Variants in AFG2A observed in about 807,000 individuals in gnomAD.
AFG2A encodes ATPase family gene 2 protein homolog A.
chr4:123,277,158 G>T, the AFG2A span, among the ~76,000 whole-genome samples: 1 of 152,022 alleles, frequency 6.6e-6, no homozygotes, highest in Non-Finnish European at 1.5e-5. Context: ...ATTTCTTTCA[G>T]CAGTGTCATA....
the AFG2A span, among the ~76,000 whole-genome samples, chr4:123,269,941 G>A: frequency 3.3e-5 from 5 of 151,954 alleles, no homozygotes; most frequent in African/African-American, 4.8e-5. Context: ...CTCAGCCTCC[G>A]GAGTGGCTGG....
chr4:123,218,040 G>GT, the AFG2A span, among the ~76,000 whole-genome samples: 1 of 152,178 alleles, frequency 6.6e-6, no homozygotes, highest in African/African-American at 2.4e-5. Flanking sequence ...TTTGTTCAAA[G>GT]TATTTCCTTT....
the AFG2A span, among the ~76,000 whole-genome samples, chr4:123,143,247 G>A: frequency 3.3e-5 from 5 of 150,584 alleles, no homozygotes; most frequent in Admixed American, 1.3e-4. Context: ...TTAAGTTGTT[G>A]TACCTTCAAT....
chr4:123,087,967 T>G, the AFG2A span, among the ~76,000 whole-genome samples: 23 of 152,212 alleles, frequency 1.5e-4, no homozygotes, highest in Non-Finnish European at 2.6e-4. Flanking sequence ...TTCTCTACAC[T>G]GCAGGCAGCC....
chr4:123,098,856 T>C, the AFG2A span, among the ~76,000 whole-genome samples: 2 of 152,068 alleles, frequency 1.3e-5, no homozygotes, highest in Non-Finnish European at 2.9e-5. Context: ...GACATACTGA[T>C]TTCATTTCCT....
the AFG2A span, among the ~76,000 whole-genome samples, chr4:123,237,391 A>G: frequency 4.6e-5 from 7 of 151,710 alleles, no homozygotes; most frequent in Non-Finnish European, 3.0e-5. Context: ...ATTAAAATTC[A>G]ATTACGGGCT....
At chr4:122,929,448 C>T in the AFG2A span, among the ~76,000 whole-genome samples, 1 of 152,104 alleles carries the variant, frequency 6.6e-6, no homozygotes, top group Admixed American at 6.5e-5. Context: ...AATCTCAGCA[C>T]TTTGGGAGGC....
the AFG2A span, among the ~76,000 whole-genome samples, chr4:123,273,634 T>C: frequency 6.6e-6 from 1 of 152,172 alleles, no homozygotes; most frequent in Non-Finnish European, 1.5e-5. Flanking sequence ...TCCAAAACTT[T>C]TTGAGCACGG....
chr4:122,948,457 T>G, the AFG2A span, among the ~76,000 whole-genome samples: 1 of 148,588 alleles, frequency 6.7e-6, no homozygotes, highest in East Asian at 2.0e-4. Context: ...GATCCATTGG[T>G]GGCGGTATTG....
the AFG2A span, among the ~76,000 whole-genome samples, chr4:122,938,816 C>T: frequency 1.2e-3 from 183 of 152,022 alleles, no homozygotes; most frequent in Non-Finnish European, 2.1e-3. Flanking sequence ...AGGCTGGTCT[C>T]GAACTCCTTA....
chr4:123,071,790 A>C, the AFG2A span, among the ~76,000 whole-genome samples: 10 of 152,182 alleles, frequency 6.6e-5, no homozygotes, highest in Admixed American at 2.6e-4. Flanking sequence ...TCATAATCTA[A>C]AATCTAGTTT....
the AFG2A span, among the ~76,000 whole-genome samples, chr4:122,985,378 C>T: frequency 6.6e-6 from 1 of 152,130 alleles, no homozygotes; most frequent in African/African-American, 2.4e-5. Flanking sequence ...ATCCACCGGC[C>T]TCGGCCTCTG....
the AFG2A span, among the ~76,000 whole-genome samples, chr4:123,229,012 T>C: frequency 6.6e-6 from 1 of 151,950 alleles, no homozygotes; most frequent in Admixed American, 6.6e-5. Flanking sequence ...CTTATAAATG[T>C]CTAAGGAAAA....
the AFG2A span, among the ~76,000 whole-genome samples, chr4:123,163,441 C>CA: frequency 4.6e-5 from 7 of 151,870 alleles, no homozygotes; most frequent in Admixed American, 2.0e-4. Flanking sequence ...GACTCCATCT[C>CA]AAAAAAACAA....
At chr4:123,296,506 G>A in the AFG2A span, among the ~76,000 whole-genome samples, 1 of 152,158 alleles carries the variant, frequency 6.6e-6, no homozygotes, top group East Asian at 1.9e-4. Context: ...TTAAGGAAAT[G>A]TAGCTAATTT....
chr4:123,248,979 C>T, the AFG2A span, among the ~76,000 whole-genome samples: 1 of 152,146 alleles, frequency 6.6e-6, no homozygotes, highest in Admixed American at 6.5e-5. Flanking sequence ...AAACACTGAG[C>T]TAAGCACATT....
the AFG2A span, among the ~76,000 whole-genome samples, chr4:123,179,989 G>A: frequency 6.6e-6 from 1 of 152,106 alleles, no homozygotes; most frequent in Non-Finnish European, 1.5e-5. Flanking sequence ...GGAGGCTGAG[G>A]CGGGAAGATC....
At chr4:123,308,641 A>G in the AFG2A span, among the ~76,000 whole-genome samples, 3 of 152,218 alleles carry the variant, frequency 2.0e-5, no homozygotes, top group Admixed American at 1.3e-4. Flanking sequence ...CCCCCTGTCC[A>G]TGGAAAGATT....
the AFG2A span, among the ~76,000 whole-genome samples, chr4:123,224,422 T>C: frequency 0.11 from 17,389 of 151,696 alleles, 2,906 homozygotes; most frequent in African/African-American, 0.37. Flanking sequence ...CATGTGTTCT[T>C]ATTGTTCATT....
Sources: gnomAD v4.1 joint callset for allele counts (sites outside exome capture counted in the v4.1 genomes callset) on GRCh38, gnomAD v4.1.1 for gene constraint, MANE v1.5 for transcripts, NCBI Gene and HGNC (gene_info 2026-07-23, HGNC 2026-07-21) for gene names.